The following LCTL variants were observed in gnomAD, a reference collection of about 807,000 sequenced individuals.
LCTL encodes lactase-like protein.
Under a neutral mutation model 75.8 loss-of-function variants are expected in LCTL, and 76 were observed. The observed-to-expected ratio is 1.00, with a 90% CI of 0.83 to 1.21. LCTL has a LOEUF of 1.21. Ranked by LOEUF, LCTL falls within the 50% of genes most tolerant of loss-of-function variation. The pLI is 0.00. For synonymous variants in LCTL, 271 were observed against 268.8 expected, an observed-to-expected ratio of 1.01 and a Z score of -0.08; for missense variants, 670 against 712.4, an observed-to-expected ratio of 0.94 and a Z score of 0.68.
intron 11 of LCTL, 36 bp from the exon 13 acceptor site, chr15:66,550,140 A>T (rs369053434): frequency 3.1e-5 from 43 of 1,381,136 alleles, no homozygotes; most frequent in Non-Finnish European, 4.1e-5. Flanking sequence ...ATGTTGTCTT[A>T]GACTAATTTT....
At chr15:66,550,783 C>T (rs940115586) in intron 11 of LCTL, among the ~76,000 whole-genome samples, 1 of 152,090 alleles carries the variant, frequency 6.6e-6, no homozygotes, top group Non-Finnish European at 1.5e-5. Context: ...CTGGCCAAGA[C>T]ACTCGAGATT....
At chr15:66,552,999 G>A (rs1895647199) in exon 9 of LCTL, 2 of 1,458,750 alleles carry the variant, frequency 1.4e-6, no homozygotes, top group Non-Finnish European at 9.1e-7. Flanking sequence ...CAAAGTTAAG[G>A]AGCCTCCTAA....
exon 11 of LCTL, chr15:66,551,762 T>C (rs1895608329): frequency 1.2e-6 from 2 of 1,612,746 alleles, no homozygotes; most frequent in Non-Finnish European, 8.5e-7. Context: ...AAATTCAACA[T>C]AGTAGAATCC....
chr15:66,561,248 T>C, exon 5 of LCTL: 4 of 1,614,186 alleles, frequency 2.5e-6, no homozygotes, highest in Non-Finnish European at 3.4e-6. Flanking sequence ...AAAGCACAGG[T>C]TGGCGTAGTC....
intron 11 of LCTL, 106 bp from the exon 13 acceptor site, chr15:66,550,210 C>T: frequency 1.5e-6 from 1 of 660,000 alleles, no homozygotes; most frequent in Non-Finnish European, 2.7e-6. Context: ...TTTTTAAAAT[C>T]TATCTGTAGT....
chr15:66,554,396 T>C (rs904291844), intron 8 of LCTL, among the ~76,000 whole-genome samples: 5 of 149,008 alleles, frequency 3.4e-5, no homozygotes, highest in African/African-American at 1.2e-4. Flanking sequence ...GAGGCAGAGG[T>C]CGCAGTGAGC....
chr15:66,565,086 CA>C (rs35640724), intron 1 of LCTL, among the ~76,000 whole-genome samples, 161 bp downstream of exon 2: 14,072 of 147,600 alleles, frequency 0.095, 806 homozygotes, highest in Middle Eastern at 0.13. Flanking sequence ...TTAGTAACTT[CA>C]AAAAAAAAAT....
intron 6 of LCTL, among the ~76,000 whole-genome samples, chr15:66,559,257 T>C (rs1447121516): frequency 6.6e-6 from 1 of 152,246 alleles, no homozygotes; most frequent in Non-Finnish European, 1.5e-5. Context: ...CCTGAATATC[T>C]GAAGGCTATA....
intron 11 of LCTL, among the ~76,000 whole-genome samples, chr15:66,551,345 CAAAAAAAAAAAAAA>C (rs67322943): frequency 7.9e-5 from 4 of 50,534 alleles, no homozygotes; most frequent in Admixed American, 5.3e-4. Context: ...GATTCTGTCT[CAAAAAAAAAAAAAA>C]AAAAAAAAAA....
intron 1 of LCTL, 49 bp downstream of exon 2, chr15:66,565,199 G>T: frequency 8.0e-7 from 1 of 1,249,372 alleles, no homozygotes; most frequent in Non-Finnish European, 1.2e-6. Context: ...GCCAAAGTGG[G>T]CAGGTGGACG....
At chr15:66,553,154 G>A in exon 9 of LCTL, 1 of 1,611,774 alleles carries the variant, frequency 6.2e-7, no homozygotes, top group Non-Finnish European at 8.5e-7. Flanking sequence ...GTAGTAAAAT[G>A]ACCTAATCCC....
chr15:66,564,802 C>T (rs779191267), exon 2 of LCTL: 34 of 1,613,184 alleles, frequency 2.1e-5, no homozygotes, highest in East Asian at 4.5e-5. Flanking sequence ...AGGCGCCCTC[C>T]GTCTGGTAGG....
At position 66,554,290 on chromosome 15, in the gene LCTL, A is replaced by AC. The variant is rs1368741069; in HGVS notation, c.923-1033_923-1032insG. Among the ~76,000 whole-genome samples, 29 of 140,132 alleles carry AC rather than the reference A, an allele frequency of 2.1e-4. 1 individual carries two copies. Among genetic ancestry groups the AC allele is most frequent in the African/African-American group, 7.3e-4 (28 of 38,130 alleles). The allele number at this position is 140,132 out of a possible 152,430, so 91.9% of individuals were successfully genotyped here. A position where few individuals can be genotyped will look rare whatever the true frequency, so the allele number is the denominator to read the frequency against. On this transcript the variant is annotated intron_variant, in intron 8 of 12. Coordinates refer to ENST00000341509, the Ensembl canonical transcript of LCTL. Reference sequence around the variant, plus strand: ...TGGGCGACAGAGCAAGACTGTCTCAAAAAAAAAAAAAAAAAAAAAAGTAGC... The same window carrying AC: ...TGGGCGACAGAGCAAGACTGTCTCAACAAAAAAAAAAAAAAAAAAAAGTAGC...
At chr15:66,565,715 C>T, upstream of LCTL, 1 of 225,670 alleles carries the variant, frequency 4.4e-6, no homozygotes, top group Non-Finnish European at 8.5e-6. Context: ...GGTGGGAAAA[C>T]CCACAGGGCC....
intron 9 of LCTL, among the ~76,000 whole-genome samples, chr15:66,552,476 G>A (rs7183060): frequency 0.31 from 47,244 of 151,804 alleles, 7,751 homozygotes; most frequent in Admixed American, 0.4. Flanking sequence ...TTTGAGACCA[G>A]CCTGGCCAAC....
intron 4 of LCTL, among the ~76,000 whole-genome samples, chr15:66,562,007 C>T (rs79609275): frequency 0.023 from 3,568 of 152,192 alleles, 61 homozygotes; most frequent in Non-Finnish European, 0.034. Context: ...CCCAGCTTCC[C>T]CCTCTTTGCC....
chr15:66,555,909 G>A (rs1458019651), intron 8 of LCTL, among the ~76,000 whole-genome samples: 2 of 152,160 alleles, frequency 1.3e-5, no homozygotes, highest in Admixed American at 1.3e-4. Context: ...CACATGAAAA[G>A]ATGCTCTTAC....
intron 8 of LCTL, among the ~76,000 whole-genome samples, chr15:66,554,223 G>A (rs1270341157): frequency 2.6e-5 from 4 of 151,074 alleles, no homozygotes; most frequent in Admixed American, 2.6e-4. Context: ...GCCGGGAGGT[G>A]GAGGTTGCAG....
intron 6 of LCTL, 148 bp from the exon 8 acceptor site, chr15:66,558,184 T>TTAGAGGA: frequency 3.5e-6 from 2 of 571,384 alleles, no homozygotes; most frequent in Non-Finnish European, 5.8e-6. Flanking sequence ...TTCTTTCCTC[T>TTAGAGGA]AACTTCTTGA....
Sources: gnomAD v4.1 joint callset for allele counts (sites outside exome capture counted in the v4.1 genomes callset) on GRCh38, gnomAD v4.1.1 for gene constraint, MANE v1.5 for transcripts, NCBI Gene and HGNC (gene_info 2026-07-23, HGNC 2026-07-21) for gene names.